Variants in ADGRL3 observed in about 807,000 individuals in gnomAD.
ADGRL3 encodes the protein calcium-independent alpha-latrotoxin receptor 3.
A neutral mutation model predicts 153.5 loss-of-function variants in ADGRL3; 62 were observed. The observed-to-expected ratio is 0.40, with a 90% CI of 0.33 to 0.50. The LOEUF (loss-of-function observed/expected upper bound fraction) is 0.50. Ranked by LOEUF, ADGRL3 falls within the 20% of genes least tolerant of loss-of-function variation. ADGRL3 has a pLI of 0.47. For synonymous variants in ADGRL3, 710 were observed against 672.5 expected, an observed-to-expected ratio of 1.06 and a Z score of -0.86; for missense variants, 1,641 against 1,859.4, an observed-to-expected ratio of 0.88 and a Z score of 2.16.
intron 1 of ADGRL3, among the ~76,000 whole-genome samples, chr4:61,253,427 G>A (rs2091649931): frequency 6.6e-6 from 1 of 152,040 alleles, no homozygotes; most frequent in South Asian, 2.1e-4. Context: ...GCTTATTGGA[G>A]GTAGGTAACC....
rs2093339412 is a variant in ADGRL3, at chr4:61,634,667, A to G, written c.474-42159A>G. On this transcript the variant is annotated intron_variant, in intron 5 of 26. Coordinates refer to ENST00000683033, the MANE Select transcript of ADGRL3 (RefSeq NM_001387552.1). ...GAGATGAGAAGGGGTAATTAAAAAG[A>G]AATGTGATGGGCTGCTGTTTTTATT... is the stretch of plus-strand genomic sequence containing the variant. 3.3e-5 allele frequency among the ~76,000 whole-genome samples: 5 copies of G among 152,198 alleles called. No individual in the cohort carries two copies. The South Asian group carries it at 1.0e-3, about 31-fold the overall frequency.
intron 9 of ADGRL3, among the ~76,000 whole-genome samples, chr4:61,864,812 C>A (rs1212743533): frequency 6.6e-6 from 1 of 152,106 alleles, no homozygotes; most frequent in Non-Finnish European, 1.5e-5. Context: ...CTGAATAGAG[C>A]CCCAAAGACA....
At chr4:61,374,028 T>A (rs2096573285) in intron 1 of ADGRL3, among the ~76,000 whole-genome samples, 1 of 152,152 alleles carries the variant, frequency 6.6e-6, no homozygotes. Context: ...GGGGGTTAAC[T>A]TTTGCTTCTC....
At chr4:61,537,551 A>G (rs1579402143) in intron 4 of ADGRL3, among the ~76,000 whole-genome samples, 1 of 152,228 alleles carries the variant, frequency 6.6e-6, no homozygotes, top group Middle Eastern at 3.4e-3. Flanking sequence ...TATATTTCTC[A>G]AAGGCTTTGT....
intron 1 of ADGRL3, among the ~76,000 whole-genome samples, chr4:61,367,171 A>T (rs1261853267): frequency 6.6e-6 from 1 of 152,200 alleles, no homozygotes; most frequent in African/African-American, 2.4e-5. Context: ...CATTAGAAGA[A>T]AATAGCAAAT....
intron 2 of ADGRL3, among the ~76,000 whole-genome samples, chr4:61,391,616 A>G (rs2096803149): frequency 6.6e-6 from 1 of 151,966 alleles, no homozygotes; most frequent in African/African-American, 2.4e-5. Context: ...TCATATAGTA[A>G]GTCTATCTAT....
At chr4:61,354,130 C>G (rs2096114126) in intron 1 of ADGRL3, among the ~76,000 whole-genome samples, 1 of 152,114 alleles carries the variant, frequency 6.6e-6, no homozygotes, top group Admixed American at 6.5e-5. Context: ...CTCATTTAAT[C>G]TTCACAACAC....
At chr4:61,494,103 C>A (rs2098286625) in intron 2 of ADGRL3, among the ~76,000 whole-genome samples, 1 of 144,564 alleles carries the variant, frequency 6.9e-6, no homozygotes, top group African/African-American at 2.6e-5. Flanking sequence ...TTTTTCACTA[C>A]AGTATGGGTT....
chr4:61,305,007 G>A (rs76347315), intron 1 of ADGRL3, among the ~76,000 whole-genome samples: 2,166 of 152,218 alleles, frequency 0.014, 66 homozygotes, highest in African/African-American at 0.05. Context: ...AGAAAGCAGA[G>A]TCCTGGCTTA....
At chr4:61,746,038 A>T (rs1482337516) in intron 8 of ADGRL3, among the ~76,000 whole-genome samples, 1 of 152,180 alleles carries the variant, frequency 6.6e-6, no homozygotes, top group Admixed American at 6.5e-5. Flanking sequence ...GGAAAACAAA[A>T]AAAGGCAGGG....
intron 8 of ADGRL3, among the ~76,000 whole-genome samples, chr4:61,812,136 C>T (rs1466144394): frequency 6.6e-6 from 1 of 152,144 alleles, no homozygotes; most frequent in Non-Finnish European, 1.5e-5. Flanking sequence ...TTAAGATTAT[C>T]TGAAGTTCTC....
rs146968418 is a variant in ADGRL3 at position 61,990,639 on chromosome 4, C to T, written c.3237-5652C>T. Among the ~76,000 whole-genome samples the T allele has an allele frequency of 3.9e-5, 6 of 151,934 alleles. No homozygotes were observed. The East Asian group carries it at 1.2e-3, about 29-fold the overall frequency. ...GAGATGACCTTATATTTAGAAAGATCTGATATTTTGACTTGAGACCTGTTT... is the reference window on the plus strand; with the variant it reads ...GAGATGACCTTATATTTAGAAAGATTTGATATTTTGACTTGAGACCTGTTT... On this transcript the variant is annotated intron_variant, in intron 19 of 26. Coordinates refer to ENST00000683033, the MANE Select transcript of ADGRL3 (RefSeq NM_001387552.1).
At chr4:61,648,978 T>C (rs1297226115) in intron 5 of ADGRL3, among the ~76,000 whole-genome samples, 1 of 151,948 alleles carries the variant, frequency 6.6e-6, no homozygotes, top group East Asian at 1.9e-4. Flanking sequence ...TTTCTTACTT[T>C]TAAGTTTTTC....
intron 4 of ADGRL3, among the ~76,000 whole-genome samples, chr4:61,545,985 C>G (rs2098712184): frequency 6.6e-6 from 1 of 152,192 alleles, no homozygotes; most frequent in African/African-American, 2.4e-5. Context: ...GTGCTGTCCC[C>G]ACATCAATAA....
At chr4:61,820,600 T>C (rs2097742445) in intron 9 of ADGRL3, among the ~76,000 whole-genome samples, 1 of 152,252 alleles carries the variant, frequency 6.6e-6, no homozygotes, top group Non-Finnish European at 1.5e-5. Flanking sequence ...AAACTTTCAT[T>C]ATTAAAACAA....
chr4:61,439,641 T>C (rs1398897382), intron 2 of ADGRL3, among the ~76,000 whole-genome samples: 1 of 152,120 alleles, frequency 6.6e-6, no homozygotes, highest in Non-Finnish European at 1.5e-5. Flanking sequence ...TATGTAATGT[T>C]CCCCTCCCTA....
chr4:61,251,475 T>G (rs938539218), intron 1 of ADGRL3, among the ~76,000 whole-genome samples: 1 of 152,196 alleles, frequency 6.6e-6, no homozygotes, highest in Non-Finnish European at 1.5e-5. Flanking sequence ...TTTGCCACAT[T>G]CTATTAGTTG....
At chr4:61,538,545 T>C (rs2098670986) in intron 4 of ADGRL3, among the ~76,000 whole-genome samples, 1 of 152,204 alleles carries the variant, frequency 6.6e-6, no homozygotes, top group South Asian at 2.1e-4. Flanking sequence ...CTTCAAGCGA[T>C]TCTCCTGCCT....
chr4:61,399,547 T>A (rs1313388857), intron 2 of ADGRL3, among the ~76,000 whole-genome samples: 1 of 151,590 alleles, frequency 6.6e-6, no homozygotes, highest in Non-Finnish European at 1.5e-5. Flanking sequence ...TAATTAGGTT[T>A]GTAAATAAAA....
Sources: gnomAD v4.1 joint callset for allele counts (sites outside exome capture counted in the v4.1 genomes callset) on GRCh38, gnomAD v4.1.1 for gene constraint, MANE v1.5 for transcripts, NCBI Gene and HGNC (gene_info 2026-07-23, HGNC 2026-07-21) for gene names.